Variants in SNX16 observed in about 807,000 individuals in gnomAD.
The protein encoded by SNX16 is sorting nexin-16.
A neutral mutation model predicts 36.7 loss-of-function variants in SNX16; 35 were observed. The ratio of observed to expected loss-of-function variants is 0.95; its 90% CI spans 0.73 to 1.27. SNX16 has a LOEUF of 1.27. Among genes scored for constraint, SNX16 ranks in the 50% most tolerant of loss-of-function variants. The probability of loss-of-function intolerance (pLI) is 0.00; values close to 1 mark genes in which losing one functional copy is unlikely to be tolerated. For missense variants in SNX16, 367 were observed against 393.6 expected, an observed-to-expected ratio of 0.93 and a Z score of 0.57; for synonymous variants, 134 against 132.0, an observed-to-expected ratio of 1.02 and a Z score of -0.10.
At chr8:81,820,860 A>T (rs1810711484) in intron 4 of SNX16, among the ~76,000 whole-genome samples, 1 of 151,800 alleles carries the variant, frequency 6.6e-6, no homozygotes, top group South Asian at 2.1e-4. Context: ...ATACCCTTTA[A>T]CACAGGGCAA....
At chr8:81,807,927 G>C in intron 5 of SNX16, 1 of 772,000 alleles carries the variant, frequency 1.3e-6, no homozygotes, top group Non-Finnish European at 2.3e-6. Flanking sequence ...CAAACACCAG[G>C]TGCTCCAGGG....
intron 2 of SNX16, among the ~76,000 whole-genome samples, chr8:81,837,120 T>A (rs893267366): frequency 1.1e-4 from 16 of 152,226 alleles, no homozygotes; most frequent in Admixed American, 1.3e-4. Context: ...CCTGTCTTCC[T>A]TCTCTGTTTT....
intron 2 of SNX16, among the ~76,000 whole-genome samples, chr8:81,833,497 G>C (rs1271927661): frequency 2.0e-5 from 3 of 152,082 alleles, no homozygotes; most frequent in African/African-American, 7.2e-5. Flanking sequence ...ATCTAAAAAA[G>C]TTGCAATGGG....
At chr8:81,827,876 G>A (rs1051968563) in intron 3 of SNX16, among the ~76,000 whole-genome samples, 1 of 152,126 alleles carries the variant, frequency 6.6e-6, no homozygotes, top group African/African-American at 2.4e-5. Context: ...GTCAAAATTG[G>A]AGAGTAATTT....
chr8:81,806,753 T>C (rs1809970067), intron 5 of SNX16, among the ~76,000 whole-genome samples: 1 of 152,126 alleles, frequency 6.6e-6, no homozygotes, highest in South Asian at 2.1e-4. Flanking sequence ...GCAGGGGATA[T>C]GATTACCGAT....
chr8:81,836,819 CTCT>C (rs1416291528), intron 2 of SNX16, among the ~76,000 whole-genome samples: 2 of 152,200 alleles, frequency 1.3e-5, no homozygotes, highest in Non-Finnish European at 2.9e-5. Flanking sequence ...GATCACATGA[CTCT>C]TCTTTTAAAA....
chr8:81,840,405 C>T (rs1347007227), intron 1 of SNX16: 2 of 161,888 alleles, frequency 1.2e-5, no homozygotes, highest in Non-Finnish European at 2.7e-5. Flanking sequence ...GGTAAAGACC[C>T]TTCTGAAGCT....
intron 5 of SNX16, among the ~76,000 whole-genome samples, chr8:81,807,134 A>T (rs1333342013): frequency 6.6e-6 from 1 of 152,170 alleles, no homozygotes; most frequent in Non-Finnish European, 1.5e-5. Context: ...ACTTGGAAGA[A>T]TAAGGGCACC....
At chr8:81,840,610 A>G (rs1019779266) in intron 1 of SNX16, among the ~76,000 whole-genome samples, 2 of 152,248 alleles carry the variant, frequency 1.3e-5, no homozygotes, top group Admixed American at 6.5e-5. Flanking sequence ...CTTTGATGCT[A>G]CATAGTATAA....
intron 5 of SNX16, among the ~76,000 whole-genome samples, chr8:81,804,992 T>A (rs1458522066): frequency 1.3e-5 from 2 of 150,012 alleles, no homozygotes; most frequent in Non-Finnish European, 3.0e-5. Flanking sequence ...GAGTTAAGAT[T>A]AAAAAAATTT....
At chr8:81,825,521 G>C (rs747874918) in intron 3 of SNX16, among the ~76,000 whole-genome samples, 1 of 152,082 alleles carries the variant, frequency 6.6e-6, no homozygotes, top group Non-Finnish European at 1.5e-5. Context: ...GGAATCCAAA[G>C]TGTAATTAAG....
intron 5 of SNX16, 29 bp from the exon 6 acceptor site, chr8:81,803,257 C>T: frequency 6.3e-7 from 1 of 1,575,002 alleles, no homozygotes; most frequent in Admixed American, 1.9e-5. Context: ...CAAAACTAAA[C>T]ACATGCAGAA....
intron 2 of SNX16, among the ~76,000 whole-genome samples, chr8:81,839,313 G>C (rs970374902): frequency 1.3e-5 from 2 of 152,098 alleles, no homozygotes; most frequent in Non-Finnish European, 2.9e-5. Flanking sequence ...CTATACAAAA[G>C]TATTGGGTGA....
At chr8:81,806,177 G>A (rs1038294052) in intron 5 of SNX16, among the ~76,000 whole-genome samples, 16 of 152,154 alleles carry the variant, frequency 1.1e-4, no homozygotes, top group South Asian at 2.1e-4. Context: ...CTGGATAACA[G>A]AAAAAGAGGG....
Position 81,818,049 on chromosome 8 carries a change from ACCTGTTTCTTT to A in SNX16, c.612-2666_612-2656del, listed in dbSNP as rs1481707932. Among the ~76,000 whole-genome samples the A allele has an allele frequency of 2.9e-3, 447 of 152,210 alleles. 1 individual carries two copies. The highest frequency in any genetic ancestry group is 0.01 in the African/African-American group (432 of 41,560). ...CAGAGCAAATCTGTACTATAAATTC[ACCTGTTTCTTT>A]GATTCTCTTGAATTTTGTTTAAAGA... On this transcript the variant is annotated intron_variant, in intron 4 of 7. Coordinates refer to ENST00000345957, the MANE Select transcript of SNX16 (RefSeq NM_152836.3).
At chr8:81,811,308 A>G (rs545627771) in intron 5 of SNX16, among the ~76,000 whole-genome samples, 1 of 152,292 alleles carries the variant, frequency 6.6e-6, no homozygotes, top group South Asian at 2.1e-4. Context: ...AGCTTTCCAC[A>G]TATCCTGGGA....
chr8:81,808,066 G>C, intron 5 of SNX16: 1 of 1,025,924 alleles, frequency 9.7e-7, no homozygotes, highest in Non-Finnish European at 1.5e-6. Flanking sequence ...TCAAAGACCA[G>C]TTGCCTACTT....
At chr8:81,812,091 T>C (rs774470) in intron 5 of SNX16, among the ~76,000 whole-genome samples, 37,629 of 151,776 alleles carry the variant, frequency 0.25, 5,209 homozygotes, top group East Asian at 0.37. Flanking sequence ...AATCTGTGAA[T>C]CTGAAGATCA....
At chr8:81,815,599 A>T (rs1810446302) in intron 4 of SNX16, 2 of 425,790 alleles carry the variant, frequency 4.7e-6, no homozygotes. Flanking sequence ...AATATCACAA[A>T]TTTATTGTTA....
Sources: gnomAD v4.1 joint callset for allele counts (sites outside exome capture counted in the v4.1 genomes callset) on GRCh38, gnomAD v4.1.1 for gene constraint, MANE v1.5 for transcripts, NCBI Gene and HGNC (gene_info 2026-07-23, HGNC 2026-07-21) for gene names.